Variants in HDGFL2 observed in about 807,000 individuals in gnomAD.
HDGFL2 encodes HDGF like 2, also known as hepatoma-derived growth factor-related protein 2.
In HDGFL2, 36 loss-of-function variants were observed where a neutral mutation model predicts 77.1. The ratio of observed to expected loss-of-function variants is 0.47; its 90% CI spans 0.36 to 0.62. The LOEUF (loss-of-function observed/expected upper bound fraction) is 0.62, where lower values mean the gene tolerates loss of function less well. Ranked by LOEUF, HDGFL2 falls within the 20% of genes least tolerant of loss-of-function variation. HDGFL2 has a pLI of 0.00. For missense variants in HDGFL2, 976 were observed against 973.4 expected, an observed-to-expected ratio of 1.00 and a Z score of -0.04; for synonymous variants, 463 against 413.1, an observed-to-expected ratio of 1.12 and a Z score of -1.46.
At chr19:4,493,497 C>G (rs542058377) in intron 6 of HDGFL2, among the ~76,000 whole-genome samples, 1 of 152,066 alleles carries the variant, frequency 6.6e-6, no homozygotes, top group South Asian at 2.1e-4. Flanking sequence ...AGCAGCTGCC[C>G]GGCGTGCCCA....
intron 15 of HDGFL2, 162 bp downstream of exon 15, chr19:4,501,479 C>G: frequency 7.8e-6 from 6 of 765,520 alleles, no homozygotes; most frequent in Non-Finnish European, 1.2e-5. Context: ...CAGGGCCCCG[C>G]TGGCTGGCAC....
chr19:4,474,437 C>T (rs1171404629), intron 1 of HDGFL2, among the ~76,000 whole-genome samples: 1 of 152,050 alleles, frequency 6.6e-6, no homozygotes, highest in African/African-American at 2.4e-5. Flanking sequence ...GCCCAGGGGC[C>T]AGGGACTCTG....
At chr19:4,500,105 C>T (rs1975818979) in intron 14 of HDGFL2, among the ~76,000 whole-genome samples, 2 of 152,086 alleles carry the variant, frequency 1.3e-5, no homozygotes, top group African/African-American at 4.8e-5. Flanking sequence ...CTCAGGTGCC[C>T]TTGCTTGCCT....
intron 6 of HDGFL2, among the ~76,000 whole-genome samples, chr19:4,492,891 C>A (rs1276016210): frequency 3.5e-5 from 4 of 113,696 alleles, no homozygotes; most frequent in Non-Finnish European, 5.4e-5. Context: ...TGTGTGTTAT[C>A]TGTGGTGTGT....
intron 14 of HDGFL2, among the ~76,000 whole-genome samples, chr19:4,500,002 G>C (rs1339297711): frequency 1.3e-5 from 2 of 151,690 alleles, no homozygotes; most frequent in African/African-American, 4.8e-5. Context: ...CCCACCCTGG[G>C]ACGCCCAGAG....
At chr19:4,487,520 G>A (rs1165012149) in intron 3 of HDGFL2, among the ~76,000 whole-genome samples, 1 of 152,008 alleles carries the variant, frequency 6.6e-6, no homozygotes, top group African/African-American at 2.4e-5. Flanking sequence ...GCCTCGCAAA[G>A]TGCTGGGATT....
chr19:4,482,069 G>C (rs1346147979), intron 3 of HDGFL2, among the ~76,000 whole-genome samples: 1 of 112,598 alleles, frequency 8.9e-6, no homozygotes, highest in Non-Finnish European at 1.6e-5. Context: ...GTCTCGCTCT[G>C]TTGCCGAGGC....
rs761492031 is a variant in HDGFL2, at chr19:4,498,081, CGG to C, written c.1402+53_1402+54del. Reference sequence around the variant, plus strand: ...CCCACACTGAGTTCACTGAGGGGAACGGGGACAGCCGTGGCGTGGCTGGCCTG... The same window carrying C: ...CCCACACTGAGTTCACTGAGGGGAACGGACAGCCGTGGCGTGGCTGGCCTG... On this transcript the variant is annotated intron_variant, in intron 11 of 15. Transcript: ENST00000616600. 9.4e-6 allele frequency: 14 copies of C among 1,484,952 alleles called. No individual in the cohort carries two copies. In the East Asian group the frequency reaches 3.2e-4, roughly 34 times the overall value. The allele number at this position is 1,484,952 out of a possible 1,614,324, so 92.0% of individuals were successfully genotyped here. A position where few individuals can be genotyped will look rare whatever the true frequency, so the allele number is the denominator to read the frequency against.
chr19:4,500,052 C>T (rs1430089578), intron 14 of HDGFL2, among the ~76,000 whole-genome samples: 3 of 150,014 alleles, frequency 2.0e-5, no homozygotes, highest in African/African-American at 7.4e-5. Context: ...AGAGTGGGGG[C>T]ATTGTTCAGA....
At chr19:4,499,806 C>T (rs1312770698) in intron 14 of HDGFL2, 102 bp downstream of exon 14, 9 of 951,838 alleles carry the variant, frequency 9.5e-6, no homozygotes, top group South Asian at 1.7e-5. Flanking sequence ...CTACTCTCTG[C>T]CCCAAACCTG....
At chr19:4,481,542 G>A (rs1975217638) in intron 3 of HDGFL2, among the ~76,000 whole-genome samples, 1 of 151,378 alleles carries the variant, frequency 6.6e-6, no homozygotes, top group Admixed American at 6.6e-5. Flanking sequence ...TATCCAGGAT[G>A]GTCTCGATCT....
intron 14 of HDGFL2, among the ~76,000 whole-genome samples, chr19:4,500,012 G>T (rs924224280): frequency 4.8e-5 from 7 of 146,950 alleles, no homozygotes; most frequent in Non-Finnish European, 1.0e-4. Context: ...GACGCCCAGA[G>T]AGGGGGGTGG....
Position 4,494,160 on chromosome 19 carries a change from C to A in HDGFL2, c.915-6C>A. 6.7e-7 allele frequency: 1 copy of A among 1,493,034 alleles called. No homozygotes were observed. The highest frequency in any genetic ancestry group is 8.9e-7 in the Non-Finnish European group (1 of 1,123,804). 92.5% of individuals were successfully genotyped at this position (1,493,034 alleles called of 1,614,324 possible). A position where few individuals can be genotyped will look rare whatever the true frequency, so the allele number is the denominator to read the frequency against. On this transcript the variant is annotated splice_polypyrimidine_tract_variant and splice_region_variant and intron_variant, in intron 8 of 15. Transcript: ENST00000616600. ...GGAGGTCCCCAACCGCCCCCTCCGC[C>A]TCCAGTGACAGCGACGAGGTGGACC...
intron 3 of HDGFL2, among the ~76,000 whole-genome samples, chr19:4,488,013 CA>C (rs1975406400): frequency 6.6e-6 from 1 of 151,816 alleles, no homozygotes; most frequent in African/African-American, 2.4e-5. Context: ...CTCTGTTGCC[CA>C]GGCTGGAGTG....
intron 5 of HDGFL2, 41 bp downstream of exon 5, chr19:4,491,723 G>C (rs1316024411): frequency 1.2e-6 from 2 of 1,612,284 alleles, no homozygotes; most frequent in Non-Finnish European, 1.7e-6. Context: ...AAGCGTGGTG[G>C]CTGCCAGTGG....
chr19:4,481,480 G>A (rs1416287419), intron 3 of HDGFL2, among the ~76,000 whole-genome samples: 2 of 150,984 alleles, frequency 1.3e-5, no homozygotes, highest in Admixed American at 6.6e-5. Flanking sequence ...TTGAGCCACC[G>A]CGCCCGGCCT....
At chr19:4,486,714 C>T (rs1444710006) in intron 3 of HDGFL2, among the ~76,000 whole-genome samples, 1 of 151,966 alleles carries the variant, frequency 6.6e-6, no homozygotes, top group African/African-American at 2.4e-5. Context: ...ATACATTTTC[C>T]TCCCACAAGC....
At chr19:4,481,380 C>T (rs1255690168) in intron 3 of HDGFL2, among the ~76,000 whole-genome samples, 6 of 151,996 alleles carry the variant, frequency 3.9e-5, no homozygotes, top group African/African-American at 7.2e-5. Flanking sequence ...TTAGTAGAGA[C>T]GGGGTTTCAC....
intron 6 of HDGFL2, among the ~76,000 whole-genome samples, chr19:4,493,254 CTG>C (rs1193107103): frequency 4.7e-4 from 42 of 89,308 alleles, no homozygotes; most frequent in African/African-American, 1.4e-3. Flanking sequence ...TGTGTGTTGT[CTG>C]TGTGTGTGTG....
Sources: allele counts gnomAD v4.1 joint callset (sites outside exome capture counted in the v4.1 genomes callset), GRCh38; gene constraint gnomAD v4.1.1; transcripts MANE v1.5; gene names NCBI Gene and HGNC (gene_info 2026-07-23, HGNC 2026-07-21).